Variants in TNFAIP8 observed in about 807,000 individuals in gnomAD.
The protein encoded by TNFAIP8 is TNF alpha induced protein 8.
TNFAIP8 carries 7 observed loss-of-function variants against 13.3 expected under a neutral mutation model. The ratio of observed to expected loss-of-function variants is 0.52; its 90% CI spans 0.30 to 0.99. The LOEUF is 0.99. TNFAIP8 is among the 50% of genes least tolerant of loss of function. TNFAIP8 has a pLI of 0.07. For synonymous variants in TNFAIP8, 94 were observed against 87.6 expected (o/e 1.07, Z -0.41); for missense variants, 258 against 236.9 (o/e 1.09, Z -0.58).
intron 1 of TNFAIP8, among the ~76,000 whole-genome samples, chr5:119,314,057 A>G (rs754990083): frequency 9.3e-4 from 142 of 152,330 alleles, no homozygotes; most frequent in Non-Finnish European, 1.7e-3. Context: ...GACCTGTGTC[A>G]TGACACATGC....
Position 119,293,784 on chromosome 5 carries a change from G to C in TNFAIP8, c.1+24877G>C, listed in dbSNP as rs990650087. Among the ~76,000 whole-genome samples the C allele has an allele frequency of 2.0e-5, 3 of 152,202 alleles. No homozygotes were observed. In the South Asian group the frequency reaches 6.2e-4, roughly 31 times the overall value. On this transcript the variant is annotated intron_variant, in intron 1 of 1. Coordinates refer to the TNFAIP8 transcript ENST00000274456. ...CAAGATTGGCAAAATACTGGTTATT[G>C]TTGAAGGTGGGTTACAGATGAGAGT...
chr5:119,348,571 C>T (rs1351467343), intron 1 of TNFAIP8, among the ~76,000 whole-genome samples: 1 of 152,090 alleles, frequency 6.6e-6, no homozygotes, highest in African/African-American at 2.4e-5. Flanking sequence ...ATTGCTTCAC[C>T]AGCCAGGTAG....
chr5:119,338,197 CA>C (rs1562006777), intron 1 of TNFAIP8, among the ~76,000 whole-genome samples: 2 of 147,844 alleles, frequency 1.4e-5, no homozygotes, highest in African/African-American at 5.3e-5. Context: ...CACACACACA[CA>C]CACACACACA....
At chr5:119,306,987 G>C (rs1749586683) in intron 1 of TNFAIP8, among the ~76,000 whole-genome samples, 1 of 152,026 alleles carries the variant, frequency 6.6e-6, no homozygotes, top group South Asian at 2.1e-4. Flanking sequence ...ACTGTTTTTT[G>C]TGGACTCTTA....
At position 119,296,595 on chromosome 5, in the gene TNFAIP8, G is replaced by C. The variant is rs576161113; in HGVS notation, c.1+27688G>C. 1.2e-3 allele frequency among the ~76,000 whole-genome samples: 189 copies of C among 152,192 alleles called. 1 individual carries two copies. Among genetic ancestry groups the C allele is most frequent in the African/African-American group, 4.3e-3 (177 of 41,514 alleles). On this transcript the variant is annotated intron_variant, in intron 1 of 1. Coordinates refer to the TNFAIP8 transcript ENST00000274456. ...TATTGGTCTAAAATTCTCTTTTTTG[G>C]TTGTGCCTGTGCCCGGCTTTGGTAT...
chr5:119,324,422 G>A (rs531400187), intron 1 of TNFAIP8, among the ~76,000 whole-genome samples: 1 of 150,904 alleles, frequency 6.6e-6, no homozygotes, highest in Non-Finnish European at 1.5e-5. Context: ...TAACTTCTTC[G>A]TGCATGGATC....
intron 1 of TNFAIP8, among the ~76,000 whole-genome samples, chr5:119,383,170 G>A (rs1752550710): frequency 6.6e-6 from 1 of 152,180 alleles, no homozygotes; most frequent in South Asian, 2.1e-4. Context: ...GTTTGTAAGA[G>A]AAGCTAGCTA....
At position 119,294,880 on chromosome 5, in the gene TNFAIP8, A is replaced by G. The variant is rs539658975; in HGVS notation, c.1+25973A>G. 9.3e-5 allele frequency among the ~76,000 whole-genome samples: 14 copies of G among 151,170 alleles called. No individual in the cohort carries two copies. In the South Asian group the frequency reaches 2.7e-3, roughly 29 times the overall value. On this transcript the variant is annotated intron_variant, in intron 1 of 1. Coordinates refer to the TNFAIP8 transcript ENST00000274456. ...GTTCATGTCCTTTGCCCACTTTTTG[A>G]TGGGGTTGATTGTTTTTCTCTTGTA...
intron 1 of TNFAIP8, among the ~76,000 whole-genome samples, chr5:119,358,164 C>G (rs1409541948): frequency 6.9e-6 from 1 of 144,648 alleles, no homozygotes; most frequent in Non-Finnish European, 1.5e-5. Context: ...ACCATGAGTT[C>G]TTAAGAATGT....
intron 1 of TNFAIP8, among the ~76,000 whole-genome samples, chr5:119,310,758 C>T (rs963765453): frequency 1.2e-4 from 18 of 151,990 alleles, no homozygotes; most frequent in Non-Finnish European, 1.9e-4. Context: ...ACTGGGGAGG[C>T]GGAGGTTACA....
chr5:119,383,904 C>T (rs1038805153), intron 1 of TNFAIP8, among the ~76,000 whole-genome samples: 16 of 152,186 alleles, frequency 1.1e-4, no homozygotes, highest in Non-Finnish European at 4.4e-5. Context: ...TCCTTATGGT[C>T]TGTTTCTTCC....
intron 1 of TNFAIP8, chr5:119,391,332 T>C: frequency 1.4e-6 from 1 of 700,874 alleles, no homozygotes; most frequent in Non-Finnish European, 2.6e-6. Context: ...CTTTTTATCT[T>C]TCATTACCAA....
chr5:119,339,199 G>T (rs1236577865), intron 1 of TNFAIP8, among the ~76,000 whole-genome samples: 5 of 152,208 alleles, frequency 3.3e-5, no homozygotes, highest in Non-Finnish European at 5.9e-5. Flanking sequence ...GCTTCTTGTA[G>T]TTGTGTCAGA....
chr5:119,307,088 C>G (rs558218342), intron 1 of TNFAIP8, among the ~76,000 whole-genome samples: 3 of 152,262 alleles, frequency 2.0e-5, no homozygotes, highest in Non-Finnish European at 2.9e-5. Flanking sequence ...GAAAATTACT[C>G]TTTGGGACTC....
intron 1 of TNFAIP8, among the ~76,000 whole-genome samples, chr5:119,276,737 A>G (rs1399669945): frequency 6.6e-6 from 1 of 152,114 alleles, no homozygotes; most frequent in Non-Finnish European, 1.5e-5. Flanking sequence ...CACCCTTATG[A>G]TCTTATTTAA....
chr5:119,277,096 G>A (rs928894560), intron 1 of TNFAIP8, among the ~76,000 whole-genome samples: 1 of 152,052 alleles, frequency 6.6e-6, no homozygotes, highest in South Asian at 2.1e-4. Context: ...TGATCTTTCT[G>A]TCTTCACTTT....
chr5:119,362,670 C>G (rs1406063892), intron 1 of TNFAIP8, among the ~76,000 whole-genome samples: 1 of 151,882 alleles, frequency 6.6e-6, no homozygotes, highest in African/African-American at 2.4e-5. Flanking sequence ...GTGGAATGCA[C>G]CTGTAGTCCC....
chr5:119,347,616 G>A (rs1750952921), intron 1 of TNFAIP8, among the ~76,000 whole-genome samples: 1 of 152,140 alleles, frequency 6.6e-6, no homozygotes, highest in African/African-American at 2.4e-5. Flanking sequence ...TCTTCTTTAA[G>A]GAGAGGCTGA....
At chr5:119,304,396 C>G (rs989084668) in intron 1 of TNFAIP8, among the ~76,000 whole-genome samples, 3 of 152,186 alleles carry the variant, frequency 2.0e-5, no homozygotes, top group African/African-American at 7.2e-5. Flanking sequence ...TCATTTCCTC[C>G]TGCTTTTCCA....
Sources: allele counts gnomAD v4.1 joint callset (sites outside exome capture counted in the v4.1 genomes callset), GRCh38; gene constraint gnomAD v4.1.1; transcripts MANE v1.5; gene names NCBI Gene and HGNC (gene_info 2026-07-23, HGNC 2026-07-21).